CAND1: variants seen among roughly 807,000 people sequenced by gnomAD.
CAND1 encodes the protein cullin associated and neddylation dissociated 1.
A neutral mutation model predicts 108.5 loss-of-function variants in CAND1; 7 were observed. The ratio of observed to expected loss-of-function variants is 0.06; its 90% CI spans 0.04 to 0.12. CAND1 has a LOEUF of 0.12. Ranked by LOEUF, CAND1 falls within the 10% of genes least tolerant of loss-of-function variation. The pLI, the probability that CAND1 is intolerant of heterozygous loss-of-function variation, is 1.00. For missense variants in CAND1, 941 were observed against 1,448.7 expected, an observed-to-expected ratio of 0.65 and a Z score of 5.69; for synonymous variants, 534 against 512.0, an observed-to-expected ratio of 1.04 and a Z score of -0.58.
intron 1 of CAND1, 64 bp downstream of exon 1, chr12:67,269,849 C>A: frequency 1.4e-6 from 2 of 1,421,598 alleles, no homozygotes; most frequent in Non-Finnish European, 1.9e-6. Flanking sequence ...CTGGCCGTCA[C>A]GCAGGCCTTG....
chr12:67,287,531 T>C (rs2044682656), intron 2 of CAND1, among the ~76,000 whole-genome samples: 1 of 152,216 alleles, frequency 6.6e-6, no homozygotes, highest in African/African-American at 2.4e-5. Flanking sequence ...CAGGATTTTC[T>C]ACCTAAACAA....
intron 14 of CAND1, 80 bp from the exon 15 acceptor site, chr12:67,312,526 G>T (rs1565731776): frequency 3.6e-6 from 3 of 826,236 alleles, no homozygotes; most frequent in Non-Finnish European, 5.6e-6. Context: ...CTTTTAGCAG[G>T]AAGATCTTAT....
At chr12:67,293,791 T>C (rs2248751) in intron 3 of CAND1, among the ~76,000 whole-genome samples, 84,315 of 152,006 alleles carry the variant, frequency 0.55, 24,505 homozygotes, top group Non-Finnish European at 0.65. Context: ...AATAATGTAG[T>C]CTGGGTATGT....
intron 14 of CAND1, 56 bp from the exon 15 acceptor site, chr12:67,312,547 TTTG>T: frequency 8.8e-7 from 1 of 1,133,190 alleles, no homozygotes; most frequent in Non-Finnish European, 1.3e-6. Context: ...GTGCTTAAAT[TTTG>T]TTCATGTAAG....
intron 2 of CAND1, among the ~76,000 whole-genome samples, chr12:67,291,944 A>C (rs2044726290): frequency 6.6e-6 from 1 of 152,184 alleles, no homozygotes; most frequent in Non-Finnish European, 1.5e-5. Context: ...GGCTCACTGC[A>C]ACCTCCGCCT....
chr12:67,292,899 C>T, intron 3 of CAND1, 123 bp downstream of exon 3: 2 of 801,066 alleles, frequency 2.5e-6, no homozygotes, highest in Non-Finnish European at 4.1e-6. Context: ...TCATAGGAAT[C>T]CCTTTGGACA....
intron 14 of CAND1, 37 bp downstream of exon 14, chr12:67,311,837 G>A (rs2044953504): frequency 1.7e-6 from 2 of 1,165,546 alleles, no homozygotes; most frequent in Non-Finnish European, 2.6e-6. Flanking sequence ...GTCAGACTTG[G>A]TGTATTGGGG....
intron 1 of CAND1, among the ~76,000 whole-genome samples, chr12:67,279,942 AAC>A (rs1369539460): frequency 1.6e-4 from 25 of 152,300 alleles, no homozygotes. Context: ...GTTTAAGTAA[AAC>A]AGTTAAGATT....
chr12:67,274,495 A>G (rs1293980014), intron 1 of CAND1, among the ~76,000 whole-genome samples: 1 of 152,232 alleles, frequency 6.6e-6, no homozygotes, highest in Non-Finnish European at 1.5e-5. Context: ...AGAACTCCTT[A>G]AGAATAGGGA....
chr12:67,277,706 T>G (rs879359832), intron 1 of CAND1, among the ~76,000 whole-genome samples: 1 of 152,216 alleles, frequency 6.6e-6, no homozygotes, highest in Non-Finnish European at 1.5e-5. Flanking sequence ...TCCAAATGAC[T>G]GTGAAATAGG....
Position 67,299,073 on chromosome 12 carries a change from T to C in CAND1, c.978T>C (p.Asp326=). ...AAGATGAAAATGCAATGGATGCTGA[T>C]GGTGGTGATGATGATGATCAAGGTA... ...EDEDENAMDA[D]GGDDDDQGSD... is the part of the protein sequence containing the mutation. Residue 326 remains aspartate, a synonymous_variant, in exon 7 of 15, where the codon GAT becomes GAC. Transcript: ENST00000545606. 6.5e-7 allele frequency: 1 copy of C among 1,533,862 alleles called. No individual in the cohort carries two copies. The highest frequency in any genetic ancestry group is 8.9e-7 in the Non-Finnish European group (1 of 1,118,254).
chr12:67,274,783 A>G (rs1177052311), intron 1 of CAND1, among the ~76,000 whole-genome samples: 1 of 152,148 alleles, frequency 6.6e-6, no homozygotes, highest in Non-Finnish European at 1.5e-5. Context: ...TGGATATTGG[A>G]CGGTATTTTC....
At chr12:67,292,465 C>T (rs1042517862) in intron 2 of CAND1, among the ~76,000 whole-genome samples, 157 bp from the exon 3 acceptor site, 2 of 152,158 alleles carry the variant, frequency 1.3e-5, no homozygotes, top group African/African-American at 2.4e-5. Flanking sequence ...TAACCAATCA[C>T]AATTTTTTAT....
At chr12:67,285,331 A>G (rs1311275290) in intron 2 of CAND1, among the ~76,000 whole-genome samples, 3 of 152,230 alleles carry the variant, frequency 2.0e-5, no homozygotes, top group Non-Finnish European at 4.4e-5. Flanking sequence ...ATAACTCCAC[A>G]TCATAAAGTT....
In CAND1 at chr12:67,304,842, ATG is replaced by A; in HGVS notation, c.1435+99_1435+100del. The stretch of plus-strand genomic sequence containing the variant: ...TAATTGTTTCCTTTTAAAGGAATAT[ATG>A]TGACAACTTAATATGCACATAGAGC... On this transcript the variant is annotated intron_variant, in intron 9 of 14. Transcript: ENST00000545606. 2.1e-6 allele frequency: 3 copies of A among 1,411,102 alleles called. No individual in the cohort carries two copies. The South Asian group carries it at 3.9e-5, about 18-fold the overall frequency. The allele number at this position is 1,411,102 out of a possible 1,614,324, so 87.4% of individuals were successfully genotyped here. A position where few individuals can be genotyped will look rare whatever the true frequency, so the allele number is the denominator to read the frequency against.
intron 2 of CAND1, among the ~76,000 whole-genome samples, chr12:67,290,578 C>G (rs758101968): frequency 7.9e-5 from 12 of 151,906 alleles, no homozygotes; most frequent in Non-Finnish European, 1.3e-4. Context: ...TAAATGCTGA[C>G]ATTGCATTTA....
chr12:67,285,181 T>C (rs2044658641), intron 2 of CAND1, among the ~76,000 whole-genome samples: 1 of 152,192 alleles, frequency 6.6e-6, no homozygotes, highest in South Asian at 2.1e-4. Flanking sequence ...AGTGGTGACC[T>C]TGTATTGCAG....
chr12:67,319,504 TG>T lies in CAND1; in HGVS notation c.*6676del, dbSNP rs1187090150. On this transcript the variant is annotated 3_prime_UTR_variant, in exon 15 of 15. Transcript: ENST00000545606. Reference sequence around the variant, plus strand: ...TAATCCAAGGGCCAACTCCCATGTTTGGAACCTGACTCCATTTTCAGGCACG... The same window carrying T: ...TAATCCAAGGGCCAACTCCCATGTTTGAACCTGACTCCATTTTCAGGCACG... The T allele has an allele frequency of 6.6e-6, 1 of 152,160 alleles. No individual in the cohort carries two copies. Among genetic ancestry groups the T allele is most frequent in the East Asian group, 1.9e-4 (1 of 5,194 alleles). 9.4% of individuals were successfully genotyped at this position (152,160 alleles called of 1,614,324 possible).
chr12:67,269,671 G>A lies in CAND1; in HGVS notation c.-47G>A, dbSNP rs776326660. On this transcript the variant is annotated 5_prime_UTR_variant, in exon 1 of 15. Coordinates refer to ENST00000545606, the MANE Select transcript of CAND1 (RefSeq NM_018448.5). ...CGGCGGCGGCGGCGGCAGCGGCAGCGGGCAGCAGCTCCAGCAGCGCCAGCA... is the reference window on the plus strand; with the variant it reads ...CGGCGGCGGCGGCGGCAGCGGCAGCAGGCAGCAGCTCCAGCAGCGCCAGCA... 6.5e-7 allele frequency: 1 copy of A among 1,533,756 alleles called. No homozygotes were observed.
Sources: allele counts gnomAD v4.1 joint callset (sites outside exome capture counted in the v4.1 genomes callset), GRCh38; gene constraint gnomAD v4.1.1; transcripts MANE v1.5; gene names NCBI Gene and HGNC (gene_info 2026-07-23, HGNC 2026-07-21).